The following CFAP47 variants were observed in gnomAD, a reference collection of about 807,000 sequenced individuals.
CFAP47 encodes cilia and flagella associated protein 47.
Under a neutral mutation model 148.1 loss-of-function variants are expected in CFAP47, and 29 were observed. That is an observed-to-expected ratio of 0.20 (90% confidence interval 0.15 to 0.27). CFAP47 has a LOEUF of 0.27. Among genes scored for constraint, CFAP47 ranks in the 10% least tolerant of loss-of-function variants. CFAP47 has a pLI of 1.00. For missense variants in CFAP47, 1,872 were observed against 1,697.5 expected, an observed-to-expected ratio of 1.10 and a Z score of -1.81; for synonymous variants, 664 against 577.3, an observed-to-expected ratio of 1.15 and a Z score of -2.15.
intron 29 of CFAP47, among the ~76,000 whole-genome samples, chrX:36,082,044 T>C (rs1937992881): frequency 8.9e-6 from 1 of 111,883 alleles, no homozygotes; most frequent in African/African-American, 3.2e-5. Flanking sequence ...TACTTCTGTC[T>C]TCACTGATGT....
At position 35,966,557 on chromosome X, in the gene CFAP47, T is replaced by G. The variant is rs1055517401; in HGVS notation, c.1411-8T>G. 1 of 1,008,184 alleles carries G rather than the reference T, an allele frequency of 9.9e-7. No individual in the cohort carries two copies. The highest frequency in any genetic ancestry group is 2.0e-5 in the African/African-American group (1 of 49,791). The allele number at this position is 1,008,184 out of a possible 1,213,427, so 83.1% of individuals were successfully genotyped here. A position where few individuals can be genotyped will look rare whatever the true frequency, so the allele number is the denominator to read the frequency against. ...TATTATTGGTTACTTTTCATCTTTT[T>G]TTTTTAGGATGTGATGTGTTCATTT... On this transcript the variant is annotated splice_polypyrimidine_tract_variant and splice_region_variant and intron_variant, in intron 8 of 63. Transcript: ENST00000378653.
intron 49 of CFAP47, among the ~76,000 whole-genome samples, chrX:36,254,848 G>C (rs1555998749): frequency 8.9e-6 from 1 of 111,911 alleles, no homozygotes; most frequent in African/African-American, 3.3e-5. Flanking sequence ...CTTTCTCTTA[G>C]GTCAGAGGTC....
rs370384631 is a variant in CFAP47, at chrX:35,953,683, G to A, written c.1138G>A (p.Gly380Arg). 1.7e-6 allele frequency: 2 copies of A among 1,199,504 alleles called. No individual in the cohort carries two copies. The highest frequency in any genetic ancestry group is 3.0e-5 in the East Asian group (1 of 33,483). ...LRFESVGSKD[G>R]FLRDDDYKTI... is the part of the protein sequence containing the mutation. ...ATTTGAGTCCGTAGGAAGTAAAGATGGATTTTTGAGAGATGATGACTATAA... is the reference window on the plus strand; with the variant it reads ...ATTTGAGTCCGTAGGAAGTAAAGATAGATTTTTGAGAGATGATGACTATAA... The change falls in exon 7 of 64, where the codon GGA (glycine) becomes AGA (arginine). Residue 380 changes from glycine (G) to arginine (R), a missense_variant. Coordinates refer to ENST00000378653, the MANE Select transcript of CFAP47 (RefSeq NM_001304548.2).
chrX:36,148,738 A>G (rs1232012310), intron 36 of CFAP47, among the ~76,000 whole-genome samples: 2 of 111,854 alleles, frequency 1.8e-5, no homozygotes, highest in African/African-American at 6.5e-5. Flanking sequence ...TTGGATATAT[A>G]AGTTCCCTTT....
In CFAP47 at chrX:35,967,724, G is replaced by A. The variant is rs199844034; in HGVS notation, c.1706G>A (p.Arg569His). The part of the protein sequence containing the change: ...PVAMLQSAMT[R>H]THNHRSCEEP... Reference sequence around the variant, plus strand: ...GCAATGCTTCAATCAGCCATGACACGCACTCACAATCATCGCTCATGTGAA... The same window carrying A: ...GCAATGCTTCAATCAGCCATGACACACACTCACAATCATCGCTCATGTGAA... Residue 569 changes from arginine (R) to histidine (H), a missense_variant, in exon 10 of 64, where the codon CGC (arginine) becomes CAC (histidine). Coordinates refer to ENST00000378653, the MANE Select transcript of CFAP47 (RefSeq NM_001304548.2). 3.1e-5 allele frequency: 37 copies of A among 1,205,775 alleles called. No individual in the cohort carries two copies. The highest frequency in any genetic ancestry group is 3.5e-5 in the African/African-American group (2 of 56,788).
At chrX:36,213,243 A>G (rs915618473) in intron 45 of CFAP47, among the ~76,000 whole-genome samples, 3 of 111,657 alleles carry the variant, frequency 2.7e-5, no homozygotes, top group Non-Finnish European at 5.6e-5. Context: ...TGGAACTTTC[A>G]TCATTCTATA....
chrX:36,224,659 G>C (rs1555991273), intron 45 of CFAP47, among the ~76,000 whole-genome samples: 1 of 111,502 alleles, frequency 9.0e-6, no homozygotes, highest in African/African-American at 3.3e-5. Flanking sequence ...TACAGGATTT[G>C]AGTGCTCATG....
intron 62 of CFAP47, among the ~76,000 whole-genome samples, chrX:36,371,651 T>C (rs1941941634): frequency 1.2e-5 from 1 of 84,196 alleles, no homozygotes; most frequent in African/African-American, 5.0e-5. Context: ...CATATGTGTA[T>C]ATATGTGTGT....
chrX:36,338,676 C>T (rs782201346), intron 57 of CFAP47, among the ~76,000 whole-genome samples: 62 of 112,058 alleles, frequency 5.5e-4, no homozygotes, highest in Admixed American at 1.5e-3. Flanking sequence ...CTTTTCATTT[C>T]TATCCACATT....
At chrX:36,371,112 A>G (rs1170456394) in intron 62 of CFAP47, among the ~76,000 whole-genome samples, 1 of 112,085 alleles carries the variant, frequency 8.9e-6, no homozygotes, top group African/African-American at 3.2e-5. Flanking sequence ...TTTTATGTGC[A>G]TATAAGTGAT....
At chrX:36,317,521 T>C (rs1347626879) in intron 56 of CFAP47, among the ~76,000 whole-genome samples, 1 of 108,723 alleles carries the variant, frequency 9.2e-6, no homozygotes, top group Non-Finnish European at 1.9e-5. Context: ...GCCATTCTCC[T>C]GCCTCAGCCT....
intron 26 of CFAP47, among the ~76,000 whole-genome samples, chrX:36,054,202 C>T (rs779028913): frequency 8.9e-6 from 1 of 112,163 alleles, no homozygotes; most frequent in South Asian, 3.7e-4. Flanking sequence ...TCTCATCTTC[C>T]TCAGACCCAC....
intron 29 of CFAP47, among the ~76,000 whole-genome samples, chrX:36,083,751 A>G (rs1938028828): frequency 9.0e-6 from 1 of 111,579 alleles, no homozygotes; most frequent in African/African-American, 3.2e-5. Context: ...CATAATTGAA[A>G]AATAAACAAA....
At chrX:36,264,853 C>G (rs1269890106) in intron 49 of CFAP47, among the ~76,000 whole-genome samples, 1 of 112,057 alleles carries the variant, frequency 8.9e-6, no homozygotes, top group African/African-American at 3.3e-5. Context: ...CCACCTTTGA[C>G]TTTCTTCTTT....
chrX:36,184,094 G>A (rs1178499688), intron 40 of CFAP47, among the ~76,000 whole-genome samples: 2 of 111,578 alleles, frequency 1.8e-5, no homozygotes, highest in African/African-American at 6.5e-5. Flanking sequence ...TTACAGTGAA[G>A]AAAGTATTTG....
intron 22 of CFAP47, among the ~76,000 whole-genome samples, chrX:36,026,211 A>C (rs187480822): frequency 8.9e-6 from 1 of 112,159 alleles, no homozygotes; most frequent in Admixed American, 9.5e-5. Flanking sequence ...TTCTTCAAGA[A>C]GATGAGATCT....
chrX:36,218,773 C>T (rs1555990450), intron 45 of CFAP47, among the ~76,000 whole-genome samples: 2 of 111,785 alleles, frequency 1.8e-5, no homozygotes, highest in African/African-American at 6.5e-5. Flanking sequence ...AGACATAAGG[C>T]AATACATACA....
chrX:35,964,570 C>G (rs1417815146), intron 8 of CFAP47, among the ~76,000 whole-genome samples: 1 of 110,457 alleles, frequency 9.1e-6, no homozygotes, highest in Non-Finnish European at 1.9e-5. Flanking sequence ...CTCTCTTCTC[C>G]TTTTTAGACT....
At chrX:35,923,835 A>G (rs971719976) in intron 1 of CFAP47, among the ~76,000 whole-genome samples, 3 of 102,933 alleles carry the variant, frequency 2.9e-5, no homozygotes, top group East Asian at 3.0e-4. Flanking sequence ...AAAAGTGTAT[A>G]TATATATATA....
Sources: allele counts gnomAD v4.1 joint callset (sites outside exome capture counted in the v4.1 genomes callset), GRCh38; gene constraint gnomAD v4.1.1; transcripts MANE v1.5; gene names NCBI Gene and HGNC (gene_info 2026-07-23, HGNC 2026-07-21).